The following NRXN1 variants were observed in gnomAD, a reference collection of about 807,000 sequenced individuals.
NRXN1 encodes neurexin-1.
Under a neutral mutation model 150.9 loss-of-function variants are expected in NRXN1, and 39 were observed. That is an observed-to-expected ratio of 0.26 (90% CI 0.20 to 0.34). The LOEUF is 0.34. NRXN1 is among the 10% of genes least tolerant of loss of function. NRXN1 has a pLI of 1.00. For synonymous variants in NRXN1, 924 were observed against 757.0 expected (o/e 1.22, Z -3.62); for missense variants, 1,815 against 1,949.9 (o/e 0.93, Z 1.30).
intron 5 of NRXN1, among the ~76,000 whole-genome samples, chr2:50,785,335 G>A (rs892522647): frequency 2.1e-5 from 3 of 141,214 alleles, no homozygotes; most frequent in Non-Finnish European, 4.5e-5. Flanking sequence ...TGCAAGCTCC[G>A]TCTCCCAAGT....
intron 17 of NRXN1, among the ~76,000 whole-genome samples, chr2:50,309,486 C>T (rs1300186163): frequency 1.3e-5 from 2 of 152,242 alleles, no homozygotes; most frequent in East Asian, 1.9e-4. Flanking sequence ...AACCCTAATG[C>T]CGTTTGTGAG....
intron 17 of NRXN1, among the ~76,000 whole-genome samples, chr2:50,247,205 G>C (rs139489950): frequency 6.6e-6 from 1 of 152,000 alleles, no homozygotes; most frequent in Non-Finnish European, 1.5e-5. Flanking sequence ...AAACATGGTC[G>C]ACTTAGTTAT....
intron 5 of NRXN1, among the ~76,000 whole-genome samples, chr2:50,699,815 G>T (rs1450239700): frequency 6.6e-6 from 1 of 152,050 alleles, no homozygotes; most frequent in Non-Finnish European, 1.5e-5. Context: ...AATAATAAAT[G>T]TAGTCTGTTA....
intron 5 of NRXN1, among the ~76,000 whole-genome samples, chr2:50,737,747 T>C (rs553816167): frequency 2.8e-4 from 43 of 152,124 alleles, no homozygotes; most frequent in Non-Finnish European, 5.9e-4. Flanking sequence ...ATCACAGCAT[T>C]AACTATACAA....
intron 22 of NRXN1, among the ~76,000 whole-genome samples, chr2:49,925,963 A>G (rs1181046267): frequency 6.6e-6 from 1 of 152,182 alleles, no homozygotes; most frequent in Non-Finnish European, 1.5e-5. Flanking sequence ...AATTAAGCCG[A>G]TGTAGCCAGT....
At chr2:50,929,176 T>C in intron 2 of NRXN1, among the ~76,000 whole-genome samples, 1 of 152,046 alleles carries the variant, frequency 6.6e-6, no homozygotes, top group East Asian at 1.9e-4. Context: ...GGACAGTAAC[T>C]TTAGTTTATC....
chr2:50,688,842 C>A (rs1431210129), intron 5 of NRXN1, among the ~76,000 whole-genome samples: 1 of 152,112 alleles, frequency 6.6e-6, no homozygotes, highest in Non-Finnish European at 1.5e-5. Context: ...CCAGAAAGTG[C>A]CATGGGCTTG....
chr2:50,361,345 A>G (rs558817555), intron 17 of NRXN1, among the ~76,000 whole-genome samples: 1 of 152,318 alleles, frequency 6.6e-6, no homozygotes, highest in East Asian at 1.9e-4. Flanking sequence ...GAAAAGATCA[A>G]CAAAATAGAT....
chr2:49,974,684 T>A (rs1410593725), intron 21 of NRXN1, among the ~76,000 whole-genome samples: 2 of 152,098 alleles, frequency 1.3e-5, no homozygotes, highest in African/African-American at 4.8e-5. Flanking sequence ...GAATGCCAAG[T>A]TTATAATGAG....
In NRXN1 at chr2:50,863,855, G is replaced by A. The variant is rs143569922; in HGVS notation, c.832+58014C>T. On this transcript the variant is annotated intron_variant, in intron 5 of 22. Coordinates refer to ENST00000401669, the MANE Select transcript of NRXN1 (RefSeq NM_001330078.2). ...TCCTTTTGAGACATAGGGCCTATGCGCATTAAAAACCTGCTAGACCATGGT... is the reference window on the plus strand; with the variant it reads ...TCCTTTTGAGACATAGGGCCTATGCACATTAAAAACCTGCTAGACCATGGT... Among the ~76,000 whole-genome samples the A allele has an allele frequency of 7.8e-3, 1,180 of 152,062 alleles. 6 individuals carry two copies. The highest frequency in any genetic ancestry group is 0.014 in the Admixed American group (220 of 15,252).
chr2:51,012,694 C>T (rs1668072974), intron 2 of NRXN1, among the ~76,000 whole-genome samples: 1 of 151,968 alleles, frequency 6.6e-6, no homozygotes, highest in Non-Finnish European at 1.5e-5. Context: ...GTGATGGCTT[C>T]TTAATATGTG....
intron 17 of NRXN1, among the ~76,000 whole-genome samples, chr2:50,349,235 T>C (rs1575178526): frequency 6.6e-6 from 1 of 152,220 alleles, no homozygotes; most frequent in Admixed American, 6.5e-5. Flanking sequence ...CTTTTATCTA[T>C]TTAAATATGC....
intron 12 of NRXN1, among the ~76,000 whole-genome samples, chr2:50,508,137 G>A (rs1433241365): frequency 6.6e-6 from 1 of 152,082 alleles, no homozygotes; most frequent in Non-Finnish European, 1.5e-5. Context: ...CTCTTATGGT[G>A]CTACTAATAA....
intron 18 of NRXN1, among the ~76,000 whole-genome samples, chr2:50,182,177 T>C (rs928635356): frequency 6.7e-6 from 1 of 149,132 alleles, no homozygotes; most frequent in African/African-American, 2.5e-5. Flanking sequence ...GATTGACAAA[T>C]AAAGCCACTA....
intron 8 of NRXN1, among the ~76,000 whole-genome samples, chr2:50,593,040 C>T (rs773791681): frequency 6.6e-6 from 1 of 152,172 alleles, no homozygotes; most frequent in African/African-American, 2.4e-5. Context: ...CCTCTCTTTC[C>T]TCTCCCTTCA....
At chr2:50,820,821 GCAAT>G (rs1053285508) in intron 5 of NRXN1, among the ~76,000 whole-genome samples, 3 of 152,106 alleles carry the variant, frequency 2.0e-5, no homozygotes, top group Non-Finnish European at 2.9e-5. Flanking sequence ...CACTTGTCAA[GCAAT>G]CAAACACTAA....
intron 17 of NRXN1, among the ~76,000 whole-genome samples, chr2:50,317,259 G>C (rs1171732178): frequency 6.6e-6 from 1 of 151,848 alleles, no homozygotes; most frequent in South Asian, 2.1e-4. Flanking sequence ...CTAATATCAG[G>C]AAGCCCAGTG....
chr2:49,982,085 TCCAA>T (rs1680079081), intron 21 of NRXN1, among the ~76,000 whole-genome samples: 2 of 152,088 alleles, frequency 1.3e-5, no homozygotes, highest in Non-Finnish European at 2.9e-5. Context: ...CAGATTCTTC[TCCAA>T]CCATTTCCTG....
intron 17 of NRXN1, among the ~76,000 whole-genome samples, chr2:50,404,301 T>C (rs1020935526): frequency 6.6e-6 from 1 of 152,084 alleles, no homozygotes; most frequent in Non-Finnish European, 1.5e-5. Context: ...TATAAAAGTA[T>C]CCATTCTCCT....
Sources: gnomAD v4.1 joint callset for allele counts (sites outside exome capture counted in the v4.1 genomes callset) on GRCh38, gnomAD v4.1.1 for gene constraint, MANE v1.5 for transcripts, NCBI Gene and HGNC (gene_info 2026-07-23, HGNC 2026-07-21) for gene names.